PITPNC1: variants seen among roughly 807,000 people sequenced by gnomAD.
PITPNC1 encodes the protein cytoplasmic phosphatidylinositol transfer protein 1.
Under a neutral mutation model 44.7 loss-of-function variants are expected in PITPNC1, and 18 were observed. The observed-to-expected ratio is 0.40, with a 90% CI of 0.28 to 0.60. The LOEUF is 0.60. Ranked by LOEUF, PITPNC1 falls within the 20% of genes least tolerant of loss-of-function variation. PITPNC1 has a pLI of 0.39. For synonymous variants in PITPNC1, 141 were observed against 149.6 expected (o/e 0.94, Z 0.42); for missense variants, 290 against 418.4 (o/e 0.69, Z 2.68).
At chr17:67,394,040 A>G (rs951790635) in intron 1 of PITPNC1, among the ~76,000 whole-genome samples, 1 of 152,118 alleles carries the variant, frequency 6.6e-6, no homozygotes, top group African/African-American at 2.4e-5. Context: ...GGGCCTCACC[A>G]CATTGACCAG....
intron 1 of PITPNC1, chr17:67,457,321 T>A (rs1172111286): frequency 6.6e-6 from 1 of 152,266 alleles, no homozygotes; most frequent in Non-Finnish European, 1.5e-5. Flanking sequence ...AGAAGTCTTC[T>A]GTCTGATTGC....
intron 6 of PITPNC1, among the ~76,000 whole-genome samples, chr17:67,634,925 C>T (rs188175098): frequency 6.6e-6 from 1 of 152,158 alleles, no homozygotes; most frequent in Non-Finnish European, 1.5e-5. Flanking sequence ...TGGTGGCATG[C>T]GCCTTTAGTC....
intron 1 of PITPNC1, among the ~76,000 whole-genome samples, chr17:67,488,877 G>A: frequency 6.6e-6 from 1 of 152,178 alleles, no homozygotes; most frequent in East Asian, 1.9e-4. Flanking sequence ...ATTTCTCTTA[G>A]CGTAATATCC....
intron 6 of PITPNC1, among the ~76,000 whole-genome samples, chr17:67,657,052 G>T (rs1315735511): frequency 2.6e-5 from 4 of 152,198 alleles, no homozygotes; most frequent in African/African-American, 7.2e-5. Flanking sequence ...GTGTTAAGGA[G>T]GACAGTGAGG....
At chr17:67,539,523 C>T (rs977364713) in intron 2 of PITPNC1, among the ~76,000 whole-genome samples, 3 of 152,168 alleles carry the variant, frequency 2.0e-5, no homozygotes, top group Non-Finnish European at 2.9e-5. Context: ...CACATCGTAA[C>T]GTGCAATATA....
At chr17:67,629,311 C>G (rs575401689) in intron 5 of PITPNC1, among the ~76,000 whole-genome samples, 3 of 139,088 alleles carry the variant, frequency 2.2e-5, no homozygotes, top group African/African-American at 8.0e-5. Context: ...CTCACTCTGT[C>G]GACCAGGCTG....
intron 1 of PITPNC1, among the ~76,000 whole-genome samples, chr17:67,405,418 A>C (rs1220280718): frequency 1.6e-5 from 2 of 125,562 alleles, no homozygotes; most frequent in African/African-American, 6.2e-5. Flanking sequence ...CCCTGTCTCA[A>C]AAAAAAAAAA....
intron 1 of PITPNC1, among the ~76,000 whole-genome samples, chr17:67,430,776 A>T (rs1216491586): frequency 1.3e-5 from 2 of 151,466 alleles, no homozygotes; most frequent in Non-Finnish European, 2.9e-5. Flanking sequence ...CAACATAGTG[A>T]GACCCTGTCT....
At chr17:67,634,969 C>G (rs2042016404) in intron 6 of PITPNC1, among the ~76,000 whole-genome samples, 1 of 152,188 alleles carries the variant, frequency 6.6e-6, no homozygotes, top group Non-Finnish European at 1.5e-5. Flanking sequence ...AGGAGAATCA[C>G]TTGAAGTCCC....
intron 2 of PITPNC1, among the ~76,000 whole-genome samples, chr17:67,538,811 A>G (rs2040564982): frequency 6.6e-6 from 1 of 152,004 alleles, no homozygotes. Flanking sequence ...AAAGTAAAAA[A>G]CAAAAACAAA....
intron 5 of PITPNC1, among the ~76,000 whole-genome samples, chr17:67,619,738 C>T (rs1567742505): frequency 6.6e-6 from 1 of 152,068 alleles, no homozygotes; most frequent in Non-Finnish European, 1.5e-5. Context: ...CCAGCTCACC[C>T]CCCACCCCCA....
chr17:67,676,827 TTTTC>T lies in PITPNC1; in HGVS notation c.682+1289_682+1292del, dbSNP rs2045404071. Among the ~76,000 whole-genome samples the T allele has an allele frequency of 6.6e-6, 1 of 152,096 alleles. No homozygotes were observed. The highest frequency in any genetic ancestry group is 2.1e-4 in the South Asian group (1 of 4,828). ...TATAAGCTATGGGCTTTTCTTTTTT[TTTTC>T]TTTTTTTCTTACCTCCTTTTGCAGT... On this transcript the variant is annotated intron_variant, in intron 8 of 8. Transcript: ENST00000581322. The surrounding 1 kb of genome is among the most constrained non-coding windows in gnomAD (Gnocchi z 4.0).
intron 2 of PITPNC1, among the ~76,000 whole-genome samples, chr17:67,544,956 A>G (rs1011782699): frequency 6.6e-6 from 1 of 152,208 alleles, no homozygotes; most frequent in African/African-American, 2.4e-5. Flanking sequence ...CTATTTTTCC[A>G]AGAATCTCTA....
chr17:67,544,611 C>T (rs985295053), intron 2 of PITPNC1, among the ~76,000 whole-genome samples: 2 of 152,254 alleles, frequency 1.3e-5, no homozygotes, highest in Non-Finnish European at 1.5e-5. Context: ...ACATTTTTCC[C>T]GCTACATGGC....
At position 67,637,251 on chromosome 17, in the gene PITPNC1, C is replaced by T. The variant is rs563120772; in HGVS notation, c.462+5013C>T. On this transcript the variant is annotated intron_variant, in intron 6 of 8. Coordinates refer to ENST00000581322, the MANE Select transcript of PITPNC1 (RefSeq NM_012417.4). ...CAACCGCTATCAAAGAAAATGAATT[C>T]GTTGCCATTAAGCAAGCAGTTGTGA... Among the ~76,000 whole-genome samples the T allele has an allele frequency of 7.9e-5, 12 of 152,046 alleles. No individual in the cohort carries two copies. The East Asian group carries it at 1.7e-3, about 22-fold the overall frequency.
intron 1 of PITPNC1, among the ~76,000 whole-genome samples, chr17:67,513,265 A>C (rs1042553085): frequency 1.3e-5 from 2 of 151,582 alleles, no homozygotes; most frequent in African/African-American, 4.8e-5. Context: ...TCGGGAGGCT[A>C]AGGCAAGAGA....
intron 1 of PITPNC1, among the ~76,000 whole-genome samples, chr17:67,519,262 C>G (rs144872057): frequency 2.0e-5 from 3 of 150,746 alleles, no homozygotes; most frequent in African/African-American, 7.3e-5. Flanking sequence ...CTGCAACTTC[C>G]GCCTCCTGGG....
chr17:67,552,128 G>A lies in PITPNC1; in HGVS notation c.198-129G>A, dbSNP rs1195455730. 4.6e-6 allele frequency: 3 copies of A among 651,098 alleles called. No homozygotes were observed. In the African/African-American group the frequency reaches 5.4e-5, roughly 12 times the overall value. 40.3% of individuals were successfully genotyped at this position (651,098 alleles called of 1,614,324 possible). On this transcript the variant is annotated intron_variant, in intron 2 of 8. Transcript: ENST00000581322. ...GACAAAGACCGAAGAGATGGGGAAA[G>A]GGCAGCTGTGGAGAAAAGAGATGCC...
intron 5 of PITPNC1, among the ~76,000 whole-genome samples, chr17:67,583,511 C>T (rs1229908142): frequency 6.7e-6 from 1 of 149,594 alleles, no homozygotes; most frequent in African/African-American, 2.5e-5. Context: ...TTGTTTGAAT[C>T]TGGGAGGCGG....
Sources: gnomAD v4.1 joint callset for allele counts (sites outside exome capture counted in the v4.1 genomes callset) on GRCh38, gnomAD v4.1.1 for gene constraint, Gnocchi (gnomAD v3.1) non-coding constraint, MANE v1.5 for transcripts, NCBI Gene and HGNC (gene_info 2026-07-23, HGNC 2026-07-21) for gene names.